ATP8B1: variants seen among roughly 807,000 people sequenced by gnomAD.
The protein encoded by ATP8B1 is phospholipid-transporting ATPase IC.
ATP8B1 carries 80 observed loss-of-function variants against 149.9 expected under a neutral mutation model. The ratio of observed to expected loss-of-function variants is 0.53; its 90% CI spans 0.45 to 0.64. ATP8B1 has a LOEUF of 0.64. ATP8B1 is among the 30% of genes least tolerant of loss of function. The pLI is 0.00. For missense variants in ATP8B1, 1,247 were observed against 1,552.6 expected, an observed-to-expected ratio of 0.80 and a Z score of 3.31; for synonymous variants, 536 against 562.8, an observed-to-expected ratio of 0.95 and a Z score of 0.67.
chr18:57,670,880 T>C (rs1360021641), intron 17 of ATP8B1, among the ~76,000 whole-genome samples: 1 of 152,080 alleles, frequency 6.6e-6, no homozygotes, highest in Admixed American at 6.5e-5. Flanking sequence ...TTAATTTTTT[T>C]GTATTTTTAG....
chr18:57,739,842 G>T (rs2079892553), intron 1 of ATP8B1, among the ~76,000 whole-genome samples: 1 of 152,192 alleles, frequency 6.6e-6, no homozygotes, highest in South Asian at 2.1e-4. Context: ...CAGCCCTCTA[G>T]TAGGGTACTG....
chr18:57,739,295 G>A (rs1348501137), intron 1 of ATP8B1, among the ~76,000 whole-genome samples: 1 of 152,106 alleles, frequency 6.6e-6, no homozygotes, highest in Admixed American at 6.5e-5. Flanking sequence ...ACCATGCCTG[G>A]CCAATTTCTT....
At chr18:57,800,522 A>G (rs1057094666) in intron 1 of ATP8B1, among the ~76,000 whole-genome samples, 1 of 152,214 alleles carries the variant, frequency 6.6e-6, no homozygotes, top group African/African-American at 2.4e-5. Flanking sequence ...AAAAACTAAA[A>G]TGGAATTTTA....
At chr18:57,657,828 C>T (rs750126915) in intron 22 of ATP8B1, among the ~76,000 whole-genome samples, 1 of 152,098 alleles carries the variant, frequency 6.6e-6, no homozygotes, top group Non-Finnish European at 1.5e-5. Context: ...GCTGAGCAGA[C>T]CAAGGACAAA....
intron 20 of ATP8B1, among the ~76,000 whole-genome samples, 172 bp downstream of exon 20, chr18:57,666,920 C>T (rs940495903): frequency 6.6e-6 from 1 of 152,182 alleles, no homozygotes; most frequent in Non-Finnish European, 1.5e-5. Context: ...TTAGGCTGCA[C>T]CTTGATTACT....
At position 57,648,200 on chromosome 18, in the gene ATP8B1, G is replaced by C; in HGVS notation, c.*288C>G. On this transcript the variant is annotated 3_prime_UTR_variant, in exon 28 of 28. Transcript: ENST00000648908. ...AGGGTTTCACCATGTTGGCTGGGCTGGTCTCGAACTCCTGGCCTCAGGTGA... is the reference window on the plus strand; with the variant it reads ...AGGGTTTCACCATGTTGGCTGGGCTCGTCTCGAACTCCTGGCCTCAGGTGA... The C allele has an allele frequency of 1.9e-6, 1 of 514,782 alleles. No individual in the cohort carries two copies. The highest frequency in any genetic ancestry group is 3.5e-6 in the Non-Finnish European group (1 of 284,330). The allele number at this position is 514,782 out of a possible 1,614,324, so 31.9% of individuals were successfully genotyped here.
At chr18:57,713,196 TTTCCTTCCTTCCTTCC>T (rs71171072) in intron 2 of ATP8B1, among the ~76,000 whole-genome samples, 13 of 89,876 alleles carry the variant, frequency 1.4e-4, no homozygotes, top group Non-Finnish European at 2.7e-4. Flanking sequence ...TCTTTCTTTC[TTTCCTTCCTTCCTTCC>T]TTCCTTCCTT....
intron 16 of ATP8B1, among the ~76,000 whole-genome samples, chr18:57,673,397 C>T (rs1188062550): frequency 6.6e-6 from 1 of 152,010 alleles, no homozygotes; most frequent in Non-Finnish European, 1.5e-5. Flanking sequence ...TTTTCTGGTT[C>T]TGAACATTGC....
intron 2 of ATP8B1, among the ~76,000 whole-genome samples, chr18:57,720,922 A>G (rs953971584): frequency 2.9e-4 from 44 of 150,744 alleles, no homozygotes; most frequent in African/African-American, 9.5e-4. Flanking sequence ...ACAAGCCAGA[A>G]GAGAGTGGGG....
intron 21 of ATP8B1, 116 bp downstream of exon 21, chr18:57,662,367 A>T: frequency 1.6e-6 from 2 of 1,280,190 alleles, no homozygotes; most frequent in Admixed American, 3.9e-5. Context: ...CCACACTTTC[A>T]TGTATAGGCT....
At chr18:57,792,067 A>G (rs2080468918) in intron 1 of ATP8B1, among the ~76,000 whole-genome samples, 1 of 152,204 alleles carries the variant, frequency 6.6e-6, no homozygotes, top group African/African-American at 2.4e-5. Context: ...ACTGTGGACC[A>G]TGTAATCAAT....
Position 57,667,332 on chromosome 18 carries a change from C to G in ATP8B1, c.2210-165G>C, listed in dbSNP as rs535287585. 1.6e-4 allele frequency: 98 copies of G among 624,000 alleles called. No homozygotes were observed. The African/African-American group carries it at 1.6e-3, about 10-fold the overall frequency. 38.7% of individuals were successfully genotyped at this position (624,000 alleles called of 1,614,324 possible). A position where few individuals can be genotyped will look rare whatever the true frequency, so the allele number is the denominator to read the frequency against. ...TCCAGGATTCAAGTGATCTGCCCAT[C>G]TCAGCACCACCCGCAGCCCCCAAGT... On this transcript the variant is annotated intron_variant, in intron 19 of 27. Transcript: ENST00000648908.
chr18:57,797,487 C>T (rs2080525926), intron 1 of ATP8B1, among the ~76,000 whole-genome samples: 1 of 152,198 alleles, frequency 6.6e-6, no homozygotes, highest in Non-Finnish European at 1.5e-5. Flanking sequence ...AGACTGAGAG[C>T]TGGTTTCCCA....
At position 57,731,740 on chromosome 18, in the gene ATP8B1, G is replaced by A. The variant is rs1345769999; in HGVS notation, c.68C>T (p.Pro23Leu). The A allele has an allele frequency of 1.2e-6, 2 of 1,614,034 alleles. No homozygotes were observed. Among genetic ancestry groups the A allele is most frequent in the African/African-American group, 2.7e-5 (2 of 74,990 alleles). The part of the protein sequence containing the change: ...EDSQPNDEVV[P>L]YSDDETEDEL... ...ATCTTCTGTTTCATCATCACTGTAG[G>A]GAACCACTTCGTCATTAGGCTGAGA... Residue 23 changes from proline (P) to leucine (L), a missense_variant, in exon 2 of 28, where the codon CCC (proline) becomes CTC (leucine). Pro to Leu is a moderately conservative substitution (Grantham distance 98). Coordinates refer to ENST00000648908, the MANE Select transcript of ATP8B1 (RefSeq NM_001374385.1).
intron 19 of ATP8B1, chr18:57,667,968 G>A: frequency 1.1e-6 from 1 of 875,122 alleles, no homozygotes; most frequent in South Asian, 1.7e-5. Flanking sequence ...TGCTTGTTGA[G>A]TTCTAAAGTT....
intron 1 of ATP8B1, among the ~76,000 whole-genome samples, chr18:57,750,103 C>T (rs528346067): frequency 3.3e-5 from 5 of 152,202 alleles, no homozygotes; most frequent in Admixed American, 6.5e-5. Context: ...ATTATCCAGG[C>T]ATGGTGGCGT....
chr18:57,652,232 G>A, intron 25 of ATP8B1, 60 bp from the exon 26 acceptor site: 1 of 1,600,246 alleles, frequency 6.2e-7, no homozygotes, highest in South Asian at 1.1e-5. Context: ...AGAAATAAAG[G>A]ATCTAACAAT....
chr18:57,741,770 T>C (rs903487688), intron 1 of ATP8B1, among the ~76,000 whole-genome samples: 1 of 152,222 alleles, frequency 6.6e-6, no homozygotes, highest in Non-Finnish European at 1.5e-5. Context: ...TATTTCCAAG[T>C]TATTCCAAAG....
Position 57,647,770 on chromosome 18 carries a change from G to A in ATP8B1, c.*718C>T, listed in dbSNP as rs1262767676. ...ATTAAAAAATTTTTTTTGAGCTGGT[G>A]TCTCACTCTGTTGCTCAGGTTGGAG... On this transcript the variant is annotated 3_prime_UTR_variant, in exon 28 of 28. Transcript: ENST00000648908. 1 of 153,530 alleles carries A rather than the reference G, an allele frequency of 6.5e-6. No homozygotes were observed. Among genetic ancestry groups the A allele is most frequent in the East Asian group, 1.9e-4 (1 of 5,202 alleles). The allele number at this position is 153,530 out of a possible 1,614,324, so 9.5% of individuals were successfully genotyped here.
Sources: allele counts gnomAD v4.1 joint callset (sites outside exome capture counted in the v4.1 genomes callset), GRCh38; gene constraint gnomAD v4.1.1; transcripts MANE v1.5; gene names NCBI Gene and HGNC (gene_info 2026-07-23, HGNC 2026-07-21).